Variants in ZCWPW2 observed in about 807,000 individuals in gnomAD.
ZCWPW2 encodes zinc finger CW-type PWWP domain protein 2.
Under a neutral mutation model 46.6 loss-of-function variants are expected in ZCWPW2, and 45 were observed. That is an observed-to-expected ratio of 0.96 (90% CI 0.76 to 1.24). ZCWPW2 has a LOEUF of 1.24. ZCWPW2 is among the 50% of genes most tolerant of loss of function. The pLI is 0.00. For synonymous variants in ZCWPW2, 152 were observed against 137.1 expected, an observed-to-expected ratio of 1.11 and a Z score of -0.76; for missense variants, 429 against 403.9, an observed-to-expected ratio of 1.06 and a Z score of -0.53.
chr3:28,411,041 T>C (rs1291093946), intron 2 of ZCWPW2, among the ~76,000 whole-genome samples: 1 of 151,932 alleles, frequency 6.6e-6, no homozygotes, highest in Admixed American at 6.6e-5. Flanking sequence ...GAAGTGATTT[T>C]ATAATCTTGA....
intron 4 of ZCWPW2, among the ~76,000 whole-genome samples, chr3:28,465,470 T>C (rs1698785163): frequency 6.6e-6 from 1 of 152,202 alleles, no homozygotes; most frequent in Non-Finnish European, 1.5e-5. Flanking sequence ...CTTCTCAAAA[T>C]AATGGAGTTA....
At position 28,398,850 on chromosome 3, in the gene ZCWPW2, G is replaced by A. The variant is rs1057484525; in HGVS notation, c.-14+8233G>A. Among the ~76,000 whole-genome samples, 5 of 152,138 alleles carry A rather than the reference G, an allele frequency of 3.3e-5. No individual in the cohort carries two copies. In the East Asian group the frequency reaches 7.7e-4, roughly 23 times the overall value. ...CCTCACAGGAGTCCTTCAGGAGGGT[G>A]GCCAGAAGCACTGAGAAAAGGCCAC... On this transcript the variant is annotated intron_variant, in intron 2 of 9. Transcript: ENST00000383768.
intron 4 of ZCWPW2, among the ~76,000 whole-genome samples, chr3:28,449,060 T>C (rs1214427981): frequency 2.0e-5 from 3 of 152,034 alleles, no homozygotes; most frequent in African/African-American, 4.8e-5. Flanking sequence ...TGGAATAGAA[T>C]AGACAGCCCA....
At chr3:28,365,831 G>GGTTT (rs1705102993) in intron 1 of ZCWPW2, among the ~76,000 whole-genome samples, 1 of 140,886 alleles carries the variant, frequency 7.1e-6, no homozygotes, top group African/African-American at 2.5e-5. Flanking sequence ...GTTGAGCAGT[G>GGTTT]GTTTGTAGTT....
chr3:28,443,734 C>T (rs1318000987), intron 4 of ZCWPW2, among the ~76,000 whole-genome samples: 3 of 152,192 alleles, frequency 2.0e-5, no homozygotes, highest in Non-Finnish European at 2.9e-5. Flanking sequence ...AGTTGAGTAA[C>T]TGTGGTTCCC....
intron 4 of ZCWPW2, among the ~76,000 whole-genome samples, chr3:28,467,678 G>A (rs1458531364): frequency 6.6e-6 from 1 of 152,136 alleles, no homozygotes; most frequent in Non-Finnish European, 1.5e-5. Context: ...GTAAGTCAAG[G>A]AACATGAGTC....
At chr3:28,412,998 TTC>T (rs1391649412) in intron 2 of ZCWPW2, 56 bp from the exon 3 acceptor site, 7 of 1,397,446 alleles carry the variant, frequency 5.0e-6, no homozygotes, top group Non-Finnish European at 6.7e-6. Flanking sequence ...GGTTTGAATT[TTC>T]TCTCCTTATA....
chr3:28,525,833 C>A lies in ZCWPW2; in HGVS notation c.*1145C>A, dbSNP rs1056126140. On this transcript the variant is annotated 3_prime_UTR_variant, in exon 10 of 10. Coordinates refer to ENST00000383768, the MANE Select transcript of ZCWPW2 (RefSeq NM_001040432.4). ...TAAAGTATGTATGTATTTCTGTCTTCCTTGTTTTCCTCATGTATTCCTTAG... is the reference window on the plus strand; with the variant it reads ...TAAAGTATGTATGTATTTCTGTCTTACTTGTTTTCCTCATGTATTCCTTAG... Among the ~76,000 whole-genome samples the A allele has an allele frequency of 2.6e-5, 4 of 152,096 alleles. No homozygotes were observed. The highest frequency in any genetic ancestry group is 7.2e-5 in the African/African-American group (3 of 41,430).
intron 5 of ZCWPW2, among the ~76,000 whole-genome samples, chr3:28,484,849 A>G (rs1053164528): frequency 6.6e-6 from 1 of 151,728 alleles, no homozygotes; most frequent in African/African-American, 2.4e-5. Flanking sequence ...CTGATCTTTC[A>G]AAGAGCTAGC....
At chr3:28,519,073 C>A (rs926931367) in intron 8 of ZCWPW2, among the ~76,000 whole-genome samples, 1 of 152,170 alleles carries the variant, frequency 6.6e-6, no homozygotes, top group African/African-American at 2.4e-5. Context: ...TAGAATCTAG[C>A]ATTCTATACT....
chr3:28,420,450 C>G (rs373539311), intron 3 of ZCWPW2, among the ~76,000 whole-genome samples: 2 of 152,112 alleles, frequency 1.3e-5, no homozygotes, highest in East Asian at 3.9e-4. Context: ...GATCCTCTCC[C>G]TCCTCCCACC....
At chr3:28,435,906 G>C (rs1046729203) in intron 4 of ZCWPW2, among the ~76,000 whole-genome samples, 6 of 152,174 alleles carry the variant, frequency 3.9e-5, no homozygotes, top group African/African-American at 1.4e-4. Context: ...GAGAAGAGGA[G>C]ACTCTATGTT....
intron 4 of ZCWPW2, among the ~76,000 whole-genome samples, chr3:28,457,606 G>C (rs912501355): frequency 1.3e-5 from 2 of 152,188 alleles, no homozygotes; most frequent in Admixed American, 6.5e-5. Context: ...CCTGGCTAGA[G>C]CAGTGGAAGA....
At chr3:28,453,761 T>C (rs1698312770) in intron 4 of ZCWPW2, among the ~76,000 whole-genome samples, 1 of 151,506 alleles carries the variant, frequency 6.6e-6, no homozygotes, top group Non-Finnish European at 1.5e-5. Flanking sequence ...AGTCTAAAAC[T>C]CAAAATCGTA....
At chr3:28,445,167 C>G (rs1697938654) in intron 4 of ZCWPW2, among the ~76,000 whole-genome samples, 1 of 148,428 alleles carries the variant, frequency 6.7e-6, no homozygotes, top group African/African-American at 2.5e-5. Flanking sequence ...GGTATATATC[C>G]TATTATATAC....
intron 6 of ZCWPW2, among the ~76,000 whole-genome samples, chr3:28,492,820 T>A (rs921564880): frequency 8.5e-5 from 13 of 152,074 alleles, no homozygotes; most frequent in African/African-American, 3.1e-4. Flanking sequence ...CAAATACTTG[T>A]GGACATATAC....
chr3:28,425,919 G>C (rs922906849), intron 3 of ZCWPW2, among the ~76,000 whole-genome samples: 4 of 152,060 alleles, frequency 2.6e-5, no homozygotes, highest in Non-Finnish European at 5.9e-5. Context: ...AGACCAACCT[G>C]ACCAACATGC....
At chr3:28,438,245 A>G (rs1490006364) in intron 4 of ZCWPW2, among the ~76,000 whole-genome samples, 1 of 152,172 alleles carries the variant, frequency 6.6e-6, no homozygotes, top group African/African-American at 2.4e-5. Context: ...AATCTCCCTC[A>G]TTTGTGCAAG....
intron 2 of ZCWPW2, 125 bp downstream of exon 2, chr3:28,390,742 A>G: frequency 1.4e-6 from 1 of 714,668 alleles, no homozygotes; most frequent in Non-Finnish European, 1.7e-6. Context: ...TAACTTCTCT[A>G]TGAAATAATA....
Sources: gnomAD v4.1 joint callset for allele counts (sites outside exome capture counted in the v4.1 genomes callset) on GRCh38, gnomAD v4.1.1 for gene constraint, MANE v1.5 for transcripts, NCBI Gene and HGNC (gene_info 2026-07-23, HGNC 2026-07-21) for gene names.